Variants in DNAJC16 observed in about 807,000 individuals in gnomAD.
DNAJC16 encodes the protein dnaJ homolog subfamily C member 16.
In DNAJC16, 76 loss-of-function variants were observed where a neutral mutation model predicts 92.7. The observed-to-expected ratio is 0.82, with a 90% CI of 0.68 to 0.99. The LOEUF (loss-of-function observed/expected upper bound fraction) is 0.99, where lower values mean the gene tolerates loss of function less well. Among genes scored for constraint, DNAJC16 ranks in the 50% least tolerant of loss-of-function variants. The probability of loss-of-function intolerance (pLI) is 0.00; values close to 1 mark genes in which losing one functional copy is unlikely to be tolerated. For missense variants in DNAJC16, 869 were observed against 942.4 expected, an observed-to-expected ratio of 0.92 and a Z score of 1.02; for synonymous variants, 328 against 358.7, an observed-to-expected ratio of 0.91 and a Z score of 0.97.
intron 7 of DNAJC16, among the ~76,000 whole-genome samples, chr1:15,558,060 A>G (rs1287235312): frequency 1.3e-5 from 2 of 151,452 alleles, no homozygotes; most frequent in African/African-American, 4.9e-5. Flanking sequence ...TAGTAGAGAC[A>G]GGGTTTCACT....
Position 15,536,752 on chromosome 1 carries a change from G to A in DNAJC16, c.512G>A (p.Cys171Tyr). The A allele has an allele frequency of 6.2e-7, 1 of 1,613,996 alleles. No individual in the cohort carries two copies. Among genetic ancestry groups the A allele is most frequent in the Non-Finnish European group, 8.5e-7 (1 of 1,180,012 alleles). ...CTCATCAAGATCACCTCCGATTGGT[G>A]CTTTAGCTGCATTCATATCGAGCCT... ...PYLIKITSDW[C>Y]FSCIHIEPVW... Residue 171 changes from cysteine (C) to tyrosine (Y), a missense_variant, in exon 4 of 15, where the codon TGC becomes TAC. Transcript: ENST00000375847.
At position 15,568,098 on chromosome 1, in the gene DNAJC16, A is replaced by G; in HGVS notation, c.2270A>G (p.Lys757Arg). ...AGGCCCATCAAAGGAAAGTTGAGCA[A>G]GCTCTCTTTATGGATGGAACGCCTG... ...GSRPIKGKLSKLSLWMERLLE... is the reference protein window; with the variant it reads ...GSRPIKGKLSRLSLWMERLLE... The change falls in exon 15 of 15, where the codon AAG (lysine) becomes AGG (arginine). Residue 757 changes from lysine to arginine, a missense_variant. By Grantham distance (26) the Lys-to-Arg change is conservative (BLOSUM62 2). Coordinates refer to ENST00000375847, the MANE Select transcript of DNAJC16 (RefSeq NM_015291.4). 6.2e-7 allele frequency: 1 copy of G among 1,614,196 alleles called. No individual in the cohort carries two copies. Among genetic ancestry groups the G allele is most frequent in the Non-Finnish European group, 8.5e-7 (1 of 1,180,034 alleles).
At chr1:15,530,342 G>A (rs1327978279) in intron 2 of DNAJC16, among the ~76,000 whole-genome samples, 7 of 96,114 alleles carry the variant, frequency 7.3e-5, no homozygotes, top group East Asian at 3.3e-4. Flanking sequence ...AGTGAGACCC[G>A]TCTCAAAAAA....
chr1:15,527,781 A>G (rs775908486), intron 1 of DNAJC16, among the ~76,000 whole-genome samples: 2 of 152,238 alleles, frequency 1.3e-5, no homozygotes, highest in Non-Finnish European at 2.9e-5. Flanking sequence ...ACGGAAATCC[A>G]CCACTGTTAT....
In DNAJC16 at chr1:15,562,273, A is replaced by C; in HGVS notation, c.1286A>C (p.Glu429Ala). The C allele has an allele frequency of 6.2e-7, 1 of 1,614,102 alleles. No individual in the cohort carries two copies. Among genetic ancestry groups the C allele is most frequent in the South Asian group, 1.1e-5 (1 of 91,082 alleles). The change falls in exon 9 of 15, where the codon GAG (glutamate) becomes GCG (alanine). Residue 429 changes from glutamate (E) to alanine (A), a missense_variant. By Grantham distance (107) the Glu-to-Ala change is moderately radical. Transcript: ENST00000375847. Reference sequence around the variant, plus strand: ...CATGTCTACAGCAATCGGCAGCAGGAGTTTGCCGACACCTTACTACCAGAC... The same window carrying C: ...CATGTCTACAGCAATCGGCAGCAGGCGTTTGCCGACACCTTACTACCAGAC... ...FVHVYSNRQQ[E>A]FADTLLPDSE... is the part of the protein sequence containing the mutation.
intron 3 of DNAJC16, 147 bp from the exon 4 acceptor site, chr1:15,536,328 C>T (rs927699803): frequency 1.1e-5 from 7 of 620,328 alleles, no homozygotes; most frequent in Admixed American, 3.3e-5. Context: ...GATCCACCCG[C>T]CTCAGCCTCC....
At chr1:15,529,042 TC>T in intron 1 of DNAJC16, 45 bp from the exon 2 acceptor site, 1 of 1,566,526 alleles carries the variant, frequency 6.4e-7, no homozygotes, top group Non-Finnish European at 8.7e-7. Context: ...AGCAAGACTG[TC>T]CAGGTTTCTG....
At chr1:15,532,062 T>C (rs4661641) in intron 2 of DNAJC16, among the ~76,000 whole-genome samples, 89,257 of 152,082 alleles carry the variant, frequency 0.59, 26,863 homozygotes, top group African/African-American at 0.71. Context: ...AACTATGTTT[T>C]TCTCCCAATA....
chr1:15,537,369 T>C (rs982774756), intron 4 of DNAJC16, among the ~76,000 whole-genome samples: 2 of 152,184 alleles, frequency 1.3e-5, no homozygotes, highest in African/African-American at 2.4e-5. Flanking sequence ...AAGAGAAGTG[T>C]GCTGTGGAAG....
chr1:15,566,028 C>T (rs766978997), intron 12 of DNAJC16, 29 bp downstream of exon 12: 4 of 1,612,986 alleles, frequency 2.5e-6, no homozygotes, highest in East Asian at 2.2e-5. Context: ...CTCGGTGCAC[C>T]ACCATGGTTG....
chr1:15,548,432 C>T lies in DNAJC16; in HGVS notation c.1023+4C>T, dbSNP rs763870869. 15 of 1,604,596 alleles carry T rather than the reference C, an allele frequency of 9.3e-6. No individual in the cohort carries two copies. Among genetic ancestry groups the T allele is most frequent in the African/African-American group, 8.0e-5 (6 of 74,730 alleles). On this transcript the variant is annotated splice_donor_region_variant and intron_variant, in intron 7 of 14. Transcript: ENST00000375847. ...CAGGCCTGCCGATGTTATCCAGGTA[C>T]GTGAGGGTCACCTTGGTTAAGATTT...
At chr1:15,533,690 C>T (rs72643694) in intron 2 of DNAJC16, among the ~76,000 whole-genome samples, 42,181 of 151,998 alleles carry the variant, frequency 0.28, 6,719 homozygotes, top group African/African-American at 0.43. Flanking sequence ...AAAAAGCAAT[C>T]GTAATAATAA....
chr1:15,546,998 C>G, intron 6 of DNAJC16, 127 bp downstream of exon 6: 1 of 733,186 alleles, frequency 1.4e-6, no homozygotes, highest in Non-Finnish European at 2.2e-6. Context: ...GAAACAGTTT[C>G]ATCCATGAGA....
intron 6 of DNAJC16, 37 bp from the exon 7 acceptor site, chr1:15,548,233 T>C (rs754750658): frequency 1.7e-5 from 28 of 1,604,212 alleles, no homozygotes; most frequent in Non-Finnish European, 2.4e-5. Flanking sequence ...ATCTTTGCTG[T>C]AGTTTTATTT....
At chr1:15,548,645 T>C (rs1293987769) in intron 7 of DNAJC16, among the ~76,000 whole-genome samples, 1 of 152,210 alleles carries the variant, frequency 6.6e-6, no homozygotes, top group East Asian at 1.9e-4. Flanking sequence ...AGGGCTCCTG[T>C]TGGAAAACCA....
rs898980678 is a variant in DNAJC16 at position 15,555,407 on chromosome 1, G to A, written c.1024-4119G>A. ...TCTCAAAAAAAAAAAAAAAGAGGCC[G>A]GGTGCGGTGGCTCACGCCTGTAATC... is the stretch of plus-strand genomic sequence containing the variant. On this transcript the variant is annotated intron_variant, in intron 7 of 14. Transcript: ENST00000375847. 3.0e-4 allele frequency among the ~76,000 whole-genome samples: 45 copies of A among 150,618 alleles called. 1 individual carries two copies. The Middle Eastern group carries it at 0.01, about 35-fold the overall frequency.
At chr1:15,566,262 T>G in intron 13 of DNAJC16, 82 bp downstream of exon 13, 1 of 1,154,106 alleles carries the variant, frequency 8.7e-7, no homozygotes, top group Non-Finnish European at 1.3e-6. Flanking sequence ...CATTGGAACA[T>G]AGAGTGTAGA....
Position 15,558,254 on chromosome 1 carries a change from C to T in DNAJC16, c.1024-1272C>T, listed in dbSNP as rs573860135. ...AGAGTCCAGTGGTGTGATCCTAGCTCACTGCAGTCTCTTAAGTCTTGGGCT... is the reference window on the plus strand; with the variant it reads ...AGAGTCCAGTGGTGTGATCCTAGCTTACTGCAGTCTCTTAAGTCTTGGGCT... On this transcript the variant is annotated intron_variant, in intron 7 of 14. Transcript: ENST00000375847. 1.1e-4 allele frequency among the ~76,000 whole-genome samples: 16 copies of T among 146,828 alleles called. 1 individual carries two copies. The South Asian group carries it at 2.2e-3, about 20-fold the overall frequency.
At chr1:15,544,660 TTC>T in intron 5 of DNAJC16, 77 bp downstream of exon 5, 1 of 1,433,022 alleles carries the variant, frequency 7.0e-7, no homozygotes, top group South Asian at 1.3e-5. Flanking sequence ...CCAGAACATT[TTC>T]TGTAGTCCTC....
Sources: allele counts gnomAD v4.1 joint callset (sites outside exome capture counted in the v4.1 genomes callset), GRCh38; gene constraint gnomAD v4.1.1; transcripts MANE v1.5; gene names NCBI Gene and HGNC (gene_info 2026-07-23, HGNC 2026-07-21).